SKI: variants seen among roughly 807,000 people sequenced by gnomAD.
SKI encodes ski oncogene.
SKI carries 23 observed loss-of-function variants against 59.3 expected under a neutral mutation model. That is an observed-to-expected ratio of 0.39 (90% confidence interval 0.28 to 0.55). The LOEUF (loss-of-function observed/expected upper bound fraction) is 0.55, where lower values mean the gene tolerates loss of function less well. Among genes scored for constraint, SKI ranks in the 20% least tolerant of loss-of-function variants. The pLI is 0.67. For synonymous variants in SKI, 673 were observed against 488.6 expected, an observed-to-expected ratio of 1.38 and a Z score of -4.98; for missense variants, 1,017 against 1,038.9, an observed-to-expected ratio of 0.98 and a Z score of 0.29.
At chr1:2,274,583 A>G (rs1210416818) in intron 1 of SKI, among the ~76,000 whole-genome samples, 1 of 152,236 alleles carries the variant, frequency 6.6e-6, no homozygotes, top group Non-Finnish European at 1.5e-5. Context: ...CATGGCAGGA[A>G]GTCCCAGCGG....
rs1004536708 is a variant in SKI, at chr1:2,268,003, G to A, written c.970-34975G>A. On this transcript the variant is annotated intron_variant, in intron 1 of 6. Transcript: ENST00000378536. This position sits in a 1 kb window ranked among gnomAD's most constrained non-coding sequence, Gnocchi z 5.0. ...CAGAGGCCTCCCAGGCTGGGCAGCC[G>A]CCACCCCTCTGTGGACGCTACTCAC... is the stretch of plus-strand genomic sequence containing the variant. 6.6e-6 allele frequency among the ~76,000 whole-genome samples: 1 copy of A among 152,132 alleles called. No individual in the cohort carries two copies. The highest frequency in any genetic ancestry group is 1.5e-5 in the Non-Finnish European group (1 of 68,002).
chr1:2,304,169 C>T, intron 4 of SKI, 67 bp downstream of exon 4: 2 of 1,596,590 alleles, frequency 1.3e-6, no homozygotes, highest in Non-Finnish European at 1.7e-6. Context: ...CTGAGGGGGG[C>T]TGGTCGCCGG....
chr1:2,232,294 G>C (rs1314866372), intron 1 of SKI, among the ~76,000 whole-genome samples: 1 of 152,220 alleles, frequency 6.6e-6, no homozygotes, highest in Non-Finnish European at 1.5e-5. Flanking sequence ...CTGCGGAGCC[G>C]GAGGGGGCTG....
Position 2,283,186 on chromosome 1 carries a change from G to A in SKI, c.970-19792G>A, listed in dbSNP as rs561452611. On this transcript the variant is annotated intron_variant, in intron 1 of 6. Coordinates refer to ENST00000378536, the MANE Select transcript of SKI (RefSeq NM_003036.4). ...GAGGCTGGGTCCCAGGCTGGGTTCC[G>A]AGGGTGCCGGTGCGCCCCTCCTATG... 2.4e-4 allele frequency among the ~76,000 whole-genome samples: 37 copies of A among 152,360 alleles called. No individual in the cohort carries two copies. The East Asian group carries it at 3.9e-3, about 16-fold the overall frequency.
chr1:2,251,121 G>A (rs1297565302), intron 1 of SKI, among the ~76,000 whole-genome samples: 1 of 152,202 alleles, frequency 6.6e-6, no homozygotes, highest in East Asian at 1.9e-4. Flanking sequence ...GGCCACTGCT[G>A]CTGCTGGAGT....
chr1:2,244,140 T>C (rs1638940348), intron 1 of SKI, among the ~76,000 whole-genome samples: 1 of 152,126 alleles, frequency 6.6e-6, no homozygotes, highest in African/African-American at 2.4e-5. Context: ...TAATTTTTTG[T>C]ATTTTTAGTA....
chr1:2,300,216 G>A (rs1055678006), intron 1 of SKI, among the ~76,000 whole-genome samples: 6 of 152,258 alleles, frequency 3.9e-5, no homozygotes, highest in African/African-American at 1.2e-4. Context: ...TGGCCGCGGG[G>A]CAGCGCGGTG....
intron 1 of SKI, among the ~76,000 whole-genome samples, chr1:2,245,120 CCCG>C (rs1374465990): frequency 6.6e-6 from 1 of 152,126 alleles, no homozygotes; most frequent in Non-Finnish European, 1.5e-5. Context: ...CCAACACCCA[CCCG>C]CCGCTTTCTG....
chr1:2,264,620 T>A (rs2100843843), intron 1 of SKI, among the ~76,000 whole-genome samples: 1 of 152,096 alleles, frequency 6.6e-6, no homozygotes, highest in East Asian at 1.9e-4. Flanking sequence ...CAGCCTGGTC[T>A]TGAACTTGGA....
In SKI at chr1:2,267,242, C is replaced by T. The variant is rs1201466298; in HGVS notation, c.970-35736C>T. Among the ~76,000 whole-genome samples, 7 of 152,078 alleles carry T rather than the reference C, an allele frequency of 4.6e-5. No individual in the cohort carries two copies. The South Asian group carries it at 1.2e-3, about 27-fold the overall frequency. ...TCTTAATAACATCTGCAGGCACAGG[C>T]GACGATAGCAGTTGTGGGCCAGCCG... On this transcript the variant is annotated intron_variant, in intron 1 of 6. Coordinates refer to ENST00000378536, the MANE Select transcript of SKI (RefSeq NM_003036.4). This position sits in a 1 kb window ranked among gnomAD's most constrained non-coding sequence, Gnocchi z 4.1.
At chr1:2,246,713 C>T (rs1432083749) in intron 1 of SKI, among the ~76,000 whole-genome samples, 1 of 152,174 alleles carries the variant, frequency 6.6e-6, no homozygotes, top group Non-Finnish European at 1.5e-5. Context: ...ATGACAGTGA[C>T]CTGCTGGGGC....
chr1:2,299,907 G>T (rs1426699667), intron 1 of SKI, among the ~76,000 whole-genome samples: 1 of 152,182 alleles, frequency 6.6e-6, no homozygotes, highest in Non-Finnish European at 1.5e-5. Flanking sequence ...GGAGCTGGTG[G>T]CTTGCTTGTG....
Position 2,229,094 on chromosome 1 carries a change from A to G in SKI, c.328A>G (p.Ile110Val). The G allele has an allele frequency of 1.9e-6, 3 of 1,609,534 alleles. No individual in the cohort carries two copies. Among genetic ancestry groups the G allele is most frequent in the Non-Finnish European group, 2.5e-6 (3 of 1,179,834 alleles). Residue 110 changes from isoleucine to valine, a missense_variant, in exon 1 of 7, where the codon ATC becomes GTC. Transcript: ENST00000378536. This position sits in a 1 kb window ranked among gnomAD's most constrained non-coding sequence, Gnocchi z 6.3. The part of the protein sequence containing the change: ...RCETVLEGET[I>V]SCFVVGGEKR... ...CGAGACCGTACTGGAAGGCGAGACC[A>G]TCTCGTGCTTCGTGGTGGGAGGCGA...
At chr1:2,279,048 C>T (rs968853858) in intron 1 of SKI, among the ~76,000 whole-genome samples, 5 of 152,296 alleles carry the variant, frequency 3.3e-5, no homozygotes, top group South Asian at 4.1e-4. Flanking sequence ...GCCAGCTGCT[C>T]GGGGGCTTGG....
intron 1 of SKI, among the ~76,000 whole-genome samples, chr1:2,287,912 G>GCGCTCCTGGCCCTGGC (rs907669520): frequency 6.6e-6 from 1 of 152,140 alleles, no homozygotes; most frequent in African/African-American, 2.4e-5. Context: ...TGAGCCCTGG[G>GCGCTCCTGGCCCTGGC]CGCTCCTGGC....
Position 2,303,749 on chromosome 1 carries a change from T to C in SKI, c.1212-91T>C. On this transcript the variant is annotated intron_variant, in intron 3 of 6. Coordinates refer to ENST00000378536, the MANE Select transcript of SKI (RefSeq NM_003036.4). The surrounding 1 kb of genome is among the most constrained non-coding windows in gnomAD (Gnocchi z 5.6). ...TTCGGAGCTGGGAAAGTCTTTCCTG[T>C]TTAACACCTTCAGAGGGGGTGTGCG... The C allele has an allele frequency of 6.6e-7, 1 of 1,513,458 alleles. No homozygotes were observed. Among genetic ancestry groups the C allele is most frequent in the Non-Finnish European group, 9.0e-7 (1 of 1,109,138 alleles). 93.8% of individuals were successfully genotyped at this position (1,513,458 alleles called of 1,614,324 possible). A position where few individuals can be genotyped will look rare whatever the true frequency, so the allele number is the denominator to read the frequency against.
chr1:2,264,887 C>T (rs1215280278), intron 1 of SKI, among the ~76,000 whole-genome samples: 1 of 152,032 alleles, frequency 6.6e-6, no homozygotes, highest in Non-Finnish European at 1.5e-5. Flanking sequence ...TCTCAGCTCA[C>T]TGCAACCTCT....
intron 1 of SKI, among the ~76,000 whole-genome samples, chr1:2,273,700 T>C (rs1040216133): frequency 5.3e-5 from 8 of 152,124 alleles, no homozygotes; most frequent in Non-Finnish European, 1.2e-4. Context: ...GGCCTGACCG[T>C]GACTGCAGCC....
At position 2,253,865 on chromosome 1, in the gene SKI, G is replaced by C. The variant is rs187077372; in HGVS notation, c.969+24130G>C. Among the ~76,000 whole-genome samples the C allele has an allele frequency of 4.6e-5, 7 of 152,306 alleles. No individual in the cohort carries two copies. In the South Asian group the frequency reaches 1.4e-3, roughly 32 times the overall value. ...GAGGTGTGTGCGGGGGCCGGGCATC[G>C]ATGCTGGACTTGCTGAGGGTTGCTT... On this transcript the variant is annotated intron_variant, in intron 1 of 6. Transcript: ENST00000378536.
Sources: gnomAD v4.1 joint callset for allele counts (sites outside exome capture counted in the v4.1 genomes callset) on GRCh38, gnomAD v4.1.1 for gene constraint, Gnocchi (gnomAD v3.1) non-coding constraint, MANE v1.5 for transcripts, NCBI Gene and HGNC (gene_info 2026-07-23, HGNC 2026-07-21) for gene names.